ABCA10: variants seen among roughly 807,000 people sequenced by gnomAD.
The protein encoded by ABCA10 is ATP binding cassette subfamily A member 10, also known as ATP-binding cassette sub-family A member 10.
Under a neutral mutation model 187.5 loss-of-function variants are expected in ABCA10, and 169 were observed. The ratio of observed to expected loss-of-function variants is 0.90; its 90% CI spans 0.80 to 1.02. ABCA10 has a LOEUF of 1.02. Among genes scored for constraint, ABCA10 ranks in the 50% least tolerant of loss-of-function variants. ABCA10 has a pLI of 0.00. For synonymous variants in ABCA10, 574 were observed against 601.8 expected (o/e 0.95, Z 0.68); for missense variants, 1,727 against 1,812.4 (o/e 0.95, Z 0.86).
Position 69,228,444 on chromosome 17 carries a change from CAT to C in ABCA10, c.-313+135_-313+136del, listed in dbSNP as rs2074809738. On this transcript the variant is annotated intron_variant, in intron 1 of 38. Coordinates refer to ENST00000690296, the MANE Select transcript of ABCA10 (RefSeq NM_001377321.1). ...ATAAAATAACTCACTAGTACTATAA[CAT>C]AAAGCATAAAATAATTTAGAGCATC... is the stretch of plus-strand genomic sequence containing the variant. The C allele has an allele frequency of 2.0e-5, 3 of 151,902 alleles. 1 individual carries two copies. The South Asian group carries it at 6.2e-4, about 32-fold the overall frequency. The allele number at this position is 151,902 out of a possible 1,614,324, so 9.4% of individuals were successfully genotyped here. A position where few individuals can be genotyped will look rare whatever the true frequency, so the allele number is the denominator to read the frequency against.
chr17:69,196,361 AG>A lies in ABCA10; in HGVS notation c.1234+702del, dbSNP rs770168287. The A allele has an allele frequency of 1.4e-3, 246 of 173,698 alleles. 1 individual carries two copies. The highest frequency in any genetic ancestry group is 1.5e-3 in the East Asian group (8 of 5,404). The allele number at this position is 173,698 out of a possible 1,614,324, so 10.8% of individuals were successfully genotyped here. On this transcript the variant is annotated intron_variant, in intron 11 of 38. Transcript: ENST00000690296. ...TGGCGGTCGGGCAGAGACACTCCTC[AG>A]TTCCCAGACGGGGTCGCGGCCGGGC...
intron 6 of ABCA10, 76 bp downstream of exon 6, chr17:69,219,469 T>A: frequency 1.8e-6 from 2 of 1,134,502 alleles, no homozygotes; most frequent in Non-Finnish European, 2.4e-6. Context: ...TGTGAGTGCG[T>A]CCAATTTTTT....
chr17:69,195,227 G>A (rs1035155552), intron 11 of ABCA10, among the ~76,000 whole-genome samples: 1 of 152,062 alleles, frequency 6.6e-6, no homozygotes, highest in Admixed American at 6.6e-5. Context: ...CAAAAATCAG[G>A]CAAACCACAG....
chr17:69,200,580 C>A (rs1465213097), intron 10 of ABCA10, among the ~76,000 whole-genome samples: 2 of 152,158 alleles, frequency 1.3e-5, no homozygotes, highest in Middle Eastern at 3.2e-3. Flanking sequence ...TATTTGTTTA[C>A]TTTCAGTCAA....
At position 69,222,516 on chromosome 17, in the gene ABCA10, A is replaced by G; in HGVS notation, c.199+17T>C. 6.6e-7 allele frequency: 1 copy of G among 1,512,768 alleles called. No homozygotes were observed. The allele number at this position is 1,512,768 out of a possible 1,614,324, so 93.7% of individuals were successfully genotyped here. Reference sequence around the variant, plus strand: ...GAAGTATCAAAAAAAAATTATAATCAGTTTTTTTATAGTTACCTGTGTATT... The same window carrying G: ...GAAGTATCAAAAAAAAATTATAATCGGTTTTTTTATAGTTACCTGTGTATT... On this transcript the variant is annotated intron_variant, in intron 4 of 38. Coordinates refer to ENST00000690296, the MANE Select transcript of ABCA10 (RefSeq NM_001377321.1).
At chr17:69,149,613 TAGAAAC>T (rs2144747991) in intron 37 of ABCA10, among the ~76,000 whole-genome samples, 1 of 152,306 alleles carries the variant, frequency 6.6e-6, no homozygotes, top group Admixed American at 6.5e-5. Context: ...CCTTGGCTTT[TAGAAAC>T]ATAGAGACCT....
At chr17:69,189,967 A>G (rs941449341) in intron 18 of ABCA10, among the ~76,000 whole-genome samples, 1 of 152,166 alleles carries the variant, frequency 6.6e-6, no homozygotes, top group African/African-American at 2.4e-5. Flanking sequence ...TTATTAATAC[A>G]TTAATTAGAA....
chr17:69,158,506 A>G (rs1278974816), intron 27 of ABCA10, among the ~76,000 whole-genome samples: 1 of 151,962 alleles, frequency 6.6e-6, no homozygotes, highest in Non-Finnish European at 1.5e-5. Context: ...AATGTAACTG[A>G]ATATACACAA....
intron 22 of ABCA10, chr17:69,175,729 G>A (rs2074329857): frequency 2.8e-6 from 1 of 352,952 alleles, no homozygotes; most frequent in East Asian, 6.0e-5. Context: ...AATTTTATAT[G>A]TATATACGGT....
At chr17:69,190,614 C>G (rs12602816) in intron 17 of ABCA10, 137 bp from the exon 18 acceptor site, 46,294 of 762,798 alleles carry the variant, frequency 0.061, 1,750 homozygotes, top group Admixed American at 0.15. Flanking sequence ...TCCAAGGAAA[C>G]CTTTTCTGTA....
chr17:69,192,833 GA>G (rs1247837282), intron 15 of ABCA10, among the ~76,000 whole-genome samples, 180 bp from the exon 16 acceptor site: 3 of 152,190 alleles, frequency 2.0e-5, no homozygotes, highest in Non-Finnish European at 4.4e-5. Context: ...ACAGGCCTCA[GA>G]AATTCACTGC....
At chr17:69,203,654 G>A (rs1157059397) in intron 9 of ABCA10, among the ~76,000 whole-genome samples, 1 of 152,172 alleles carries the variant, frequency 6.6e-6, no homozygotes, top group East Asian at 1.9e-4. Context: ...CTGCCAGAGA[G>A]AGCTTCCTAA....
chr17:69,228,916 T>A (rs2144856935), upstream of ABCA10: 1 of 152,148 alleles, frequency 6.6e-6, no homozygotes, highest in East Asian at 1.9e-4. Context: ...AACCCACATA[T>A]TTACAATTGC....
At chr17:69,237,464 T>C (rs1184197928) in intron 1 of ABCA10, among the ~76,000 whole-genome samples, 1 of 152,138 alleles carries the variant, frequency 6.6e-6, no homozygotes, top group Non-Finnish European at 1.5e-5. Context: ...TAGAACTGGA[T>C]TTTTGCAGGA....
At position 69,186,518 on chromosome 17, in the gene ABCA10, T is replaced by C. The variant is rs558756970; in HGVS notation, c.2331-875A>G. On this transcript the variant is annotated intron_variant, in intron 19 of 38. Coordinates refer to ENST00000690296, the MANE Select transcript of ABCA10 (RefSeq NM_001377321.1). The stretch of plus-strand genomic sequence containing the variant: ...AATCAACTTTCTTCCCGACTTCACA[T>C]TGCCTTTTAGCTTCTGCTCTTTCTA... Among the ~76,000 whole-genome samples the C allele has an allele frequency of 1.1e-4, 17 of 152,326 alleles. No individual in the cohort carries two copies. The South Asian group carries it at 3.5e-3, about 32-fold the overall frequency.
chr17:69,223,568 C>A, intron 3 of ABCA10: 1 of 356,136 alleles, frequency 2.8e-6, no homozygotes, highest in Non-Finnish European at 5.4e-6. Flanking sequence ...CTTTGTATCT[C>A]ACTCAGGGTG....
chr17:69,233,491 T>C (rs1397174844), upstream of ABCA10: 3 of 152,220 alleles, frequency 2.0e-5, no homozygotes, highest in African/African-American at 7.2e-5. Context: ...AGTTCATTGA[T>C]CTTCCTTAAA....
At chr17:69,237,777 C>T (rs2074880794) in intron 1 of ABCA10, among the ~76,000 whole-genome samples, 1 of 152,066 alleles carries the variant, frequency 6.6e-6, no homozygotes, top group Non-Finnish European at 1.5e-5. Flanking sequence ...AAATGACTGG[C>T]AACCTTTGAA....
At chr17:69,210,839 T>TATATATATA (rs1568069864) in intron 9 of ABCA10, among the ~76,000 whole-genome samples, 608 of 30,996 alleles carry the variant, frequency 0.02, 46 homozygotes, top group African/African-American at 0.038. Flanking sequence ...TGCCACATAT[T>TATATATATA]TATGCCACAT....
Sources: gnomAD v4.1 joint callset for allele counts (sites outside exome capture counted in the v4.1 genomes callset) on GRCh38, gnomAD v4.1.1 for gene constraint, MANE v1.5 for transcripts, NCBI Gene and HGNC (gene_info 2026-07-23, HGNC 2026-07-21) for gene names.